The following MAP4K4 variants were observed in gnomAD, a reference collection of about 807,000 sequenced individuals.
MAP4K4 encodes the protein mitogen-activated protein kinase kinase kinase kinase 4.
MAP4K4 carries 38 observed loss-of-function variants against 189.6 expected under a neutral mutation model. The observed-to-expected ratio is 0.20, with a 90% CI of 0.15 to 0.26. MAP4K4 has a LOEUF of 0.26. MAP4K4 is among the 10% of genes least tolerant of loss of function. The pLI is 1.00. For missense variants in MAP4K4, 1,054 were observed against 1,726.9 expected (o/e 0.61, Z 6.91); for synonymous variants, 610 against 624.3 (o/e 0.98, Z 0.34).
chr2:101,870,034 A>T, intron 22 of MAP4K4: 1 of 632,364 alleles, frequency 1.6e-6, no homozygotes, highest in African/African-American at 1.8e-5. Flanking sequence ...ATTTGAGGAT[A>T]TATGATCCAG....
chr2:101,816,981 AC>A (rs2095763006), intron 3 of MAP4K4, among the ~76,000 whole-genome samples: 1 of 150,918 alleles, frequency 6.6e-6, no homozygotes, highest in African/African-American at 2.4e-5. Context: ...TGGGGGCCAA[AC>A]TTTTCTATCC....
intron 10 of MAP4K4, among the ~76,000 whole-genome samples, chr2:101,841,758 C>T (rs1201942118): frequency 1.3e-5 from 2 of 152,186 alleles, no homozygotes; most frequent in Non-Finnish European, 2.9e-5. Context: ...GGAGCCACCA[C>T]ACCCAGCCTG....
At chr2:101,755,929 C>CTTTTTTTTTTT (rs57392183) in intron 2 of MAP4K4, among the ~76,000 whole-genome samples, 5 of 57,792 alleles carry the variant, frequency 8.7e-5, no homozygotes, top group Non-Finnish European at 1.2e-4. Flanking sequence ...AGTTCTTTTT[C>CTTTTTTTTTTT]TTTTTTTTTT....
At chr2:101,729,727 G>A (rs1574405948) in intron 2 of MAP4K4, among the ~76,000 whole-genome samples, 1 of 152,124 alleles carries the variant, frequency 6.6e-6, no homozygotes, top group South Asian at 2.1e-4. Context: ...TTGCCCACAT[G>A]TGTCTAACTG....
intron 9 of MAP4K4, among the ~76,000 whole-genome samples, chr2:101,836,576 G>A (rs1009630190): frequency 6.6e-6 from 1 of 151,482 alleles, no homozygotes; most frequent in Non-Finnish European, 1.5e-5. Context: ...TAACAAGAGC[G>A]AAACTCTGTC....
At chr2:101,833,881 A>G (rs2096661587) in intron 7 of MAP4K4, among the ~76,000 whole-genome samples, 1 of 152,206 alleles carries the variant, frequency 6.6e-6, no homozygotes, top group South Asian at 2.1e-4. Context: ...GCATGATTTC[A>G]ATTAGTGAAC....
At chr2:101,758,449 A>G (rs1474077269) in intron 2 of MAP4K4, among the ~76,000 whole-genome samples, 2 of 152,214 alleles carry the variant, frequency 1.3e-5, no homozygotes, top group Non-Finnish European at 2.9e-5. Flanking sequence ...AGCCAAATGC[A>G]TATTGAAAAT....
chr2:101,824,461 G>C (rs1458884307), intron 4 of MAP4K4, among the ~76,000 whole-genome samples: 2 of 152,154 alleles, frequency 1.3e-5, no homozygotes, highest in Non-Finnish European at 2.9e-5. Context: ...ACTTCTGTCA[G>C]TAGCTTATTA....
chr2:101,718,366 C>G (rs1407140575), intron 2 of MAP4K4, among the ~76,000 whole-genome samples: 1 of 152,048 alleles, frequency 6.6e-6, no homozygotes, highest in Non-Finnish European at 1.5e-5. Context: ...GGTTAAGTAA[C>G]TTGCCTAAAG....
chr2:101,700,810 C>A (rs1467996347), intron 2 of MAP4K4, among the ~76,000 whole-genome samples: 1 of 142,612 alleles, frequency 7.0e-6, no homozygotes, highest in African/African-American at 2.6e-5. Context: ...ATAACAAGTT[C>A]TTTAATGTTT....
chr2:101,717,695 A>G (rs1184311946), intron 2 of MAP4K4, among the ~76,000 whole-genome samples: 1 of 152,174 alleles, frequency 6.6e-6, no homozygotes, highest in Non-Finnish European at 1.5e-5. Context: ...ACAGTCTCAC[A>G]AGCAATGATT....
intron 2 of MAP4K4, among the ~76,000 whole-genome samples, chr2:101,707,593 G>A (rs2042993766): frequency 6.6e-6 from 1 of 151,840 alleles, no homozygotes; most frequent in South Asian, 2.1e-4. Flanking sequence ...GCTCACTGCA[G>A]CCTCAACCTC....
chr2:101,757,862 A>T lies in MAP4K4; in HGVS notation c.124-32858A>T, dbSNP rs546882035. On this transcript the variant is annotated intron_variant, in intron 2 of 32. Transcript: ENST00000324219. ...TGGTGAAATCCCGTCTCTACTAAAA[A>T]TAGAAAAAATTATTTTTACAGGCGT... Among the ~76,000 whole-genome samples the T allele has an allele frequency of 1.3e-3, 194 of 152,334 alleles. 1 individual carries two copies. The highest frequency in any genetic ancestry group is 4.6e-3 in the African/African-American group (190 of 41,578).
At chr2:101,698,426 T>G (rs765024558) in intron 1 of MAP4K4, 47 bp from the exon 2 acceptor site, 1 of 1,502,190 alleles carries the variant, frequency 6.7e-7, no homozygotes, top group Admixed American at 1.7e-5. Flanking sequence ...TTTATTCATT[T>G]TTTTGGCTTC....
intron 3 of MAP4K4, among the ~76,000 whole-genome samples, chr2:101,791,092 G>C (rs1162513795): frequency 6.6e-6 from 1 of 152,166 alleles, no homozygotes; most frequent in African/African-American, 2.4e-5. Context: ...TTTGAAAAGG[G>C]ATCATGGAGG....
At chr2:101,721,602 A>G (rs1021955478) in intron 2 of MAP4K4, among the ~76,000 whole-genome samples, 1 of 151,956 alleles carries the variant, frequency 6.6e-6, no homozygotes, top group Non-Finnish European at 1.5e-5. Context: ...TGCCTGGCTA[A>G]TTTTTGTATT....
At chr2:101,798,697 C>G (rs1393729152) in intron 3 of MAP4K4, among the ~76,000 whole-genome samples, 2 of 152,178 alleles carry the variant, frequency 1.3e-5, no homozygotes, top group East Asian at 3.8e-4. Flanking sequence ...AAGTAGTAGA[C>G]ACTCAAATAT....
intron 2 of MAP4K4, among the ~76,000 whole-genome samples, chr2:101,712,203 T>A (rs1169764987): frequency 6.6e-6 from 1 of 152,048 alleles, no homozygotes; most frequent in Non-Finnish European, 1.5e-5. Context: ...TTATTTATTT[T>A]TATTTTTTTG....
intron 2 of MAP4K4, among the ~76,000 whole-genome samples, chr2:101,709,820 C>T (rs939122044): frequency 1.3e-5 from 2 of 152,122 alleles, no homozygotes; most frequent in Non-Finnish European, 2.9e-5. Context: ...TAAGTTTGCT[C>T]ATTTGTTTCA....
Sources: gnomAD v4.1 joint callset for allele counts (sites outside exome capture counted in the v4.1 genomes callset) on GRCh38, gnomAD v4.1.1 for gene constraint, MANE v1.5 for transcripts, NCBI Gene and HGNC (gene_info 2026-07-23, HGNC 2026-07-21) for gene names.